The following ORC5 variants were observed in gnomAD, a reference collection of about 807,000 sequenced individuals.
ORC5 encodes the protein origin recognition complex subunit 5, also known as protein phosphatase 1, regulatory subunit 117.
A neutral mutation model predicts 58.8 loss-of-function variants in ORC5; 39 were observed. The ratio of observed to expected loss-of-function variants is 0.66; its 90% CI spans 0.51 to 0.87. The LOEUF (loss-of-function observed/expected upper bound fraction) is 0.87. Ranked by LOEUF, ORC5 falls within the 40% of genes least tolerant of loss-of-function variation. ORC5 has a pLI of 0.00. For synonymous variants in ORC5, 218 were observed against 177.6 expected (o/e 1.23, Z -1.81); for missense variants, 493 against 506.3 (o/e 0.97, Z 0.25).
intron 13 of ORC5, among the ~76,000 whole-genome samples, chr7:104,128,273 C>T (rs1798460029): frequency 6.6e-6 from 1 of 152,122 alleles, no homozygotes; most frequent in South Asian, 2.1e-4. Flanking sequence ...CAGGCATGTG[C>T]CAACACGCCT....
intron 12 of ORC5, among the ~76,000 whole-genome samples, chr7:104,151,663 A>AGT (rs1245932416): frequency 1.3e-5 from 2 of 152,236 alleles, no homozygotes; most frequent in Non-Finnish European, 2.9e-5. Context: ...GGGGCACACC[A>AGT]GTGTCTGACA....
chr7:104,180,544 T>C (rs1357787557), intron 8 of ORC5, among the ~76,000 whole-genome samples: 3 of 152,180 alleles, frequency 2.0e-5, no homozygotes, highest in African/African-American at 7.2e-5. Flanking sequence ...ACATCTTTGA[T>C]AGACCTCCCT....
At chr7:104,148,725 TTAAGGTTTAATTTTTAA>T (rs1654258317) in intron 12 of ORC5, among the ~76,000 whole-genome samples, 1 of 152,198 alleles carries the variant, frequency 6.6e-6, no homozygotes, top group African/African-American at 2.4e-5. Context: ...ATTGCTGTTT[TTAAGGTTTAATTTTTAA>T]AAGGTAAATA....
At position 104,200,882 on chromosome 7, in the gene ORC5, T is replaced by C. The variant is rs768798209; in HGVS notation, c.242A>G (p.Asn81Ser). 4.3e-6 allele frequency: 7 copies of C among 1,613,564 alleles called. No homozygotes were observed. Among genetic ancestry groups the C allele is most frequent in the Non-Finnish European group, 5.9e-6 (7 of 1,179,536 alleles). ...LLLEQILNKL[N>S]HLSSSEDGCS... ...TCCATCCTCTGAAGAACTAAGATGA[T>C]TCAATTTGTTTAAAATTTGTTCCAA... Residue 81 changes from asparagine to serine, a missense_variant, in exon 3 of 14, where the codon AAT becomes AGT. By Grantham distance (46) the Asn-to-Ser change is conservative. Transcript: ENST00000297431.
At chr7:104,140,762 T>C (rs78551866) in intron 12 of ORC5, among the ~76,000 whole-genome samples, 6,081 of 152,272 alleles carry the variant, frequency 0.04, 250 homozygotes, top group South Asian at 0.12. Flanking sequence ...CCATGTGGGA[T>C]GACTTACCCC....
chr7:104,142,832 AAGAAG>A (rs1167470770), intron 12 of ORC5, among the ~76,000 whole-genome samples: 1 of 152,166 alleles, frequency 6.6e-6, no homozygotes, highest in African/African-American at 2.4e-5. Context: ...TTACTATGAA[AAGAAG>A]AGACACAGAA....
chr7:104,178,932 T>C (rs185761869), intron 8 of ORC5, among the ~76,000 whole-genome samples: 2 of 152,216 alleles, frequency 1.3e-5, no homozygotes, highest in East Asian at 3.9e-4. Context: ...GTGTTCTTTA[T>C]TGAGAAAAAA....
chr7:104,200,504 C>T (rs1247233659), intron 3 of ORC5, among the ~76,000 whole-genome samples: 1 of 152,178 alleles, frequency 6.6e-6, no homozygotes, highest in Non-Finnish European at 1.5e-5. Context: ...GTATTGGACA[C>T]ACACAGTCAA....
chr7:104,204,784 A>C (rs541127071), intron 1 of ORC5, among the ~76,000 whole-genome samples: 1 of 152,338 alleles, frequency 6.6e-6, no homozygotes, highest in South Asian at 2.1e-4. Flanking sequence ...CACATAAAAC[A>C]CTAATAAAAT....
At chr7:104,201,909 G>A (rs1465784293) in intron 2 of ORC5, among the ~76,000 whole-genome samples, 1 of 132,490 alleles carries the variant, frequency 7.5e-6, no homozygotes, top group Non-Finnish European at 1.6e-5. Context: ...GGGAAACACA[G>A]TGAGACTCTG....
chr7:104,178,883 A>T (rs1799376462), intron 8 of ORC5, among the ~76,000 whole-genome samples: 1 of 152,038 alleles, frequency 6.6e-6, no homozygotes, highest in Non-Finnish European at 1.5e-5. Flanking sequence ...GAAACATAAG[A>T]TGTATTTTTA....
chr7:104,203,328 C>T lies in ORC5; in HGVS notation c.165+814G>A, dbSNP rs567127669. ...TCATGCCCATTCACATAGAGAATGC[C>T]CATGGCTGCTTTCACAATACAGTAG... is the stretch of plus-strand genomic sequence containing the variant. On this transcript the variant is annotated intron_variant, in intron 2 of 13. Transcript: ENST00000297431. 2.0e-5 allele frequency among the ~76,000 whole-genome samples: 3 copies of T among 152,224 alleles called. No homozygotes were observed. The South Asian group carries it at 6.2e-4, about 32-fold the overall frequency.
chr7:104,156,397 GAAT>G (rs1264731586), intron 12 of ORC5, among the ~76,000 whole-genome samples: 4 of 151,576 alleles, frequency 2.6e-5, no homozygotes, highest in South Asian at 4.2e-4. Flanking sequence ...AAGAAATTCA[GAAT>G]AATGCCAACT....
At chr7:104,163,880 T>G (rs1382837026) in intron 11 of ORC5, among the ~76,000 whole-genome samples, 1 of 152,234 alleles carries the variant, frequency 6.6e-6, no homozygotes, top group African/African-American at 2.4e-5. Context: ...ATTGTCAACC[T>G]GCAGAACAGG....
chr7:104,129,143 G>A lies in ORC5; in HGVS notation c.1263-2250C>T, dbSNP rs964159107. Among the ~76,000 whole-genome samples, 1 of 152,096 alleles carries A rather than the reference G, an allele frequency of 6.6e-6. No homozygotes were observed. Among genetic ancestry groups the A allele is most frequent in the Non-Finnish European group, 1.5e-5 (1 of 68,012 alleles). On this transcript the variant is annotated intron_variant, in intron 13 of 13. Coordinates refer to ENST00000297431, the MANE Select transcript of ORC5 (RefSeq NM_002553.4). The surrounding 1 kb of genome is among the most constrained non-coding windows in gnomAD (Gnocchi z 4.9). Reference sequence around the variant, plus strand: ...TTTGTCTAATGGACTAGTACTAGAAGAGCACAAATACATGAAAATATTGTG... The same window carrying A: ...TTTGTCTAATGGACTAGTACTAGAAAAGCACAAATACATGAAAATATTGTG...
In ORC5 at chr7:104,207,975, C is replaced by T. The variant is rs745339731; in HGVS notation, c.-71G>A. On this transcript the variant is annotated 5_prime_UTR_variant, in exon 1 of 14. Transcript: ENST00000297431. The stretch of plus-strand genomic sequence containing the variant: ...CCCTTGCACAAGACGGAGCCTCTCC[C>T]GAGTCTGGCGGCCCACGCTCCCGCC... 4.2e-6 allele frequency: 6 copies of T among 1,423,218 alleles called. No homozygotes were observed. The highest frequency in any genetic ancestry group is 3.5e-5 in the Admixed American group (2 of 56,714). 88.2% of individuals were successfully genotyped at this position (1,423,218 alleles called of 1,614,324 possible). A position where few individuals can be genotyped will look rare whatever the true frequency, so the allele number is the denominator to read the frequency against.
At chr7:104,159,059 A>G (rs1263417954) in intron 12 of ORC5, among the ~76,000 whole-genome samples, 4 of 148,878 alleles carry the variant, frequency 2.7e-5, no homozygotes, top group African/African-American at 9.8e-5. Context: ...TCACAATAGC[A>G]AAGACTTGGA....
intron 12 of ORC5, among the ~76,000 whole-genome samples, chr7:104,141,696 C>T (rs1242306545): frequency 1.3e-5 from 2 of 151,818 alleles, no homozygotes; most frequent in African/African-American, 2.4e-5. Flanking sequence ...TATCAAAAAA[C>T]GAAATTTAAA....
intron 12 of ORC5, among the ~76,000 whole-genome samples, chr7:104,153,248 T>C (rs1053197399): frequency 2.6e-5 from 4 of 152,134 alleles, no homozygotes; most frequent in African/African-American, 9.7e-5. Context: ...TCTCCTGAAG[T>C]AGGTATCTAC....
Sources: allele counts gnomAD v4.1 joint callset (sites outside exome capture counted in the v4.1 genomes callset), GRCh38; gene constraint gnomAD v4.1.1; non-coding constraint Gnocchi (gnomAD v3.1); transcripts MANE v1.5; gene names NCBI Gene and HGNC (gene_info 2026-07-23, HGNC 2026-07-21).